The following CREB3L1 variants were observed in gnomAD, a reference collection of about 807,000 sequenced individuals.
The protein encoded by CREB3L1 is cAMP responsive element binding protein 3 like 1, also known as cyclic AMP-responsive element-binding protein 3-like protein 1.
A neutral mutation model predicts 54.5 loss-of-function variants in CREB3L1; 33 were observed. The ratio of observed to expected loss-of-function variants is 0.61; its 90% confidence interval spans 0.46 to 0.81. The LOEUF (loss-of-function observed/expected upper bound fraction) is 0.81. Among genes scored for constraint, CREB3L1 ranks in the 30% least tolerant of loss-of-function variants. The probability of loss-of-function intolerance (pLI) is 0.00; values close to 1 mark genes in which losing one functional copy is unlikely to be tolerated. For missense variants in CREB3L1, 656 were observed against 673.3 expected (o/e 0.97, Z 0.29); for synonymous variants, 284 against 286.4 (o/e 0.99, Z 0.08).
At position 46,321,132 on chromosome 11, in the gene CREB3L1, G is replaced by T. The variant is rs1939647341; in HGVS notation, c.*386G>T. The T allele has an allele frequency of 4.7e-6, 2 of 429,140 alleles. No individual in the cohort carries two copies. The highest frequency in any genetic ancestry group is 1.9e-5 in the African/African-American group (1 of 51,616). 26.6% of individuals were successfully genotyped at this position (429,140 alleles called of 1,614,324 possible). On this transcript the variant is annotated 3_prime_UTR_variant, in exon 12 of 12. Coordinates refer to ENST00000621158, the MANE Select transcript of CREB3L1 (RefSeq NM_052854.4). Reference sequence around the variant, plus strand: ...TGTACAGAGACCAAGAACAGAAATTGTTTGTAAATAATGAACCTTATTTTT... The same window carrying T: ...TGTACAGAGACCAAGAACAGAAATTTTTTGTAAATAATGAACCTTATTTTT...
chr11:46,302,037 G>A (rs867216477), intron 2 of CREB3L1, among the ~76,000 whole-genome samples: 1 of 151,410 alleles, frequency 6.6e-6, no homozygotes, highest in African/African-American at 2.4e-5. Flanking sequence ...GCATGGTGGC[G>A]GGTGCCTGTA....
In CREB3L1 at chr11:46,304,174, G is replaced by A. The variant is rs184739977; in HGVS notation, c.332-3642G>A. ...CCTGCCCCCAGAGAGTTGTTGGGAG[G>A]AGTAAAGAAGCTCATTTGCCTGGGC... is the stretch of plus-strand genomic sequence containing the variant. On this transcript the variant is annotated intron_variant, in intron 2 of 11. Transcript: ENST00000621158. 2.9e-3 allele frequency among the ~76,000 whole-genome samples: 437 copies of A among 152,116 alleles called. 1 individual carries two copies. The highest frequency in any genetic ancestry group is 4.2e-3 in the Non-Finnish European group (284 of 67,994).
rs140381668 is a variant in CREB3L1, at chr11:46,299,025, G to T, written c.103-910G>T. The stretch of plus-strand genomic sequence containing the variant: ...ATTTTTCAGACTTTTTTGTTTCTAA[G>T]AAATATATTTTACATCATTACCAAG... On this transcript the variant is annotated intron_variant, in intron 1 of 11. Coordinates refer to ENST00000621158, the MANE Select transcript of CREB3L1 (RefSeq NM_052854.4). Among the ~76,000 whole-genome samples, 840 of 152,158 alleles carry T rather than the reference G, an allele frequency of 5.5e-3. 5 individuals carry two copies. Among genetic ancestry groups the T allele is most frequent in the Non-Finnish European group, 9.6e-3 (652 of 68,006 alleles).
In CREB3L1 at chr11:46,307,930, C is replaced by A; in HGVS notation, c.446C>A (p.Ala149Asp). The A allele has an allele frequency of 6.4e-7, 1 of 1,561,866 alleles. No homozygotes were observed. Among genetic ancestry groups the A allele is most frequent in the South Asian group, 1.2e-5 (1 of 84,678 alleles). ...CTGGCTGCCCCCTCGGCCATGGCTG[C>A]CGCGGCCGCCATGGCCACCACCCCG... The part of the protein sequence containing the change: ...DPLAAPSAMA[A>D]AAAMATTPLL... The change falls in exon 3 of 12, where the codon GCC becomes GAC. Residue 149 changes from alanine (A) to aspartate (D), a missense_variant. Physicochemically the swap from Ala to Asp is moderately radical, Grantham distance 126. Transcript: ENST00000621158.
At chr11:46,315,103 C>T in intron 8 of CREB3L1, 1 of 217,434 alleles carries the variant, frequency 4.6e-6, no homozygotes, top group South Asian at 6.3e-5. Context: ...ATAACCTAGA[C>T]AACAGCCTTG....
Position 46,320,962 on chromosome 11 carries a change from G to A in CREB3L1, c.*216G>A, listed in dbSNP as rs1477237865. On this transcript the variant is annotated 3_prime_UTR_variant, in exon 12 of 12. Transcript: ENST00000621158. ...TTCTCCTTCCCACCAACATCCATCCGTCCTTCTCAGACAAACCACTCACTG... is the reference window on the plus strand; with the variant it reads ...TTCTCCTTCCCACCAACATCCATCCATCCTTCTCAGACAAACCACTCACTG... 1.5e-5 allele frequency: 10 copies of A among 684,670 alleles called. No individual in the cohort carries two copies. In the East Asian group the frequency reaches 1.9e-4, roughly 13 times the overall value. The allele number at this position is 684,670 out of a possible 1,614,324, so 42.4% of individuals were successfully genotyped here.
intron 2 of CREB3L1, among the ~76,000 whole-genome samples, chr11:46,305,698 G>GTGTGTATATA (rs1555222413): frequency 9.6e-6 from 1 of 104,592 alleles, no homozygotes; most frequent in South Asian, 3.0e-4. Flanking sequence ...ATATGTGTGT[G>GTGTGTATATA]TGTGTGTGTG....
intron 7 of CREB3L1, 49 bp downstream of exon 7, chr11:46,312,719 C>T: frequency 1.9e-6 from 3 of 1,578,250 alleles, no homozygotes; most frequent in Non-Finnish European, 2.6e-6. Context: ...CCTGACCTGC[C>T]CTCCCCTAGG....
chr11:46,312,254 A>G, intron 5 of CREB3L1, 71 bp from the exon 6 acceptor site: 1 of 1,341,216 alleles, frequency 7.5e-7, no homozygotes, highest in Non-Finnish European at 1.0e-6. Context: ...TCATATAGAT[A>G]GCACATGGCA....
At chr11:46,311,652 A>G (rs1939487440) in intron 5 of CREB3L1, among the ~76,000 whole-genome samples, 1 of 152,128 alleles carries the variant, frequency 6.6e-6, no homozygotes, top group East Asian at 1.9e-4. Context: ...GGTGCACACC[A>G]CCACCCAGCT....
chr11:46,289,630 T>A (rs190564242), intron 1 of CREB3L1, among the ~76,000 whole-genome samples: 1 of 151,916 alleles, frequency 6.6e-6, no homozygotes, highest in African/African-American at 2.4e-5. Context: ...AATGAGGAGA[T>A]AAAGGACAAA....
chr11:46,284,569 G>A (rs1482989139), intron 1 of CREB3L1, among the ~76,000 whole-genome samples: 5 of 151,558 alleles, frequency 3.3e-5, no homozygotes, highest in East Asian at 1.9e-4. Flanking sequence ...CAGGAGAATC[G>A]CTTGAACCCA....
At chr11:46,302,641 G>C (rs1281875108) in intron 2 of CREB3L1, among the ~76,000 whole-genome samples, 1 of 152,192 alleles carries the variant, frequency 6.6e-6, no homozygotes, top group Non-Finnish European at 1.5e-5. Flanking sequence ...ATGACTGACA[G>C]GTGAGGTTGG....
In CREB3L1 at chr11:46,312,399, C is replaced by T. The variant is rs751258804; in HGVS notation, c.828C>T (p.Pro276=). Residue 276 remains proline, a synonymous_variant, in exon 6 of 12, where the codon CCC becomes CCT. Coordinates refer to ENST00000621158, the MANE Select transcript of CREB3L1 (RefSeq NM_052854.4). ...EKRTLIAEGY[P]IPTKLPLTKA... Reference sequence around the variant, plus strand: ...GGACCCTGATTGCTGAGGGCTACCCCATCCCCACAAAACTCCCCCTCACCA... The same window carrying T: ...GGACCCTGATTGCTGAGGGCTACCCTATCCCCACAAAACTCCCCCTCACCA... 6.2e-7 allele frequency: 1 copy of T among 1,613,730 alleles called. No homozygotes were observed. The highest frequency in any genetic ancestry group is 1.7e-5 in the Admixed American group (1 of 59,986).
Position 46,320,407 on chromosome 11 carries a change from C to A in CREB3L1, c.1402C>A (p.Gln468Lys). Reference protein sequence around the residue: ...PAEQRPRDHLQHDHLDSTHET... With the variant: ...PAEQRPRDHLKHDHLDSTHET... ...AGAGCAGCGGCCCCGGGACCACCTG[C>A]AGCATGATCACCTGGACAGCACCCA... The change falls in exon 11 of 12, where the codon CAG becomes AAG. Residue 468 changes from glutamine to lysine, a missense_variant. By Grantham distance (53) the Gln-to-Lys change is moderately conservative. Coordinates refer to ENST00000621158, the MANE Select transcript of CREB3L1 (RefSeq NM_052854.4). 1 of 1,611,284 alleles carries A rather than the reference C, an allele frequency of 6.2e-7. No homozygotes were observed. Among genetic ancestry groups the A allele is most frequent in the Non-Finnish European group, 8.5e-7 (1 of 1,178,828 alleles).
intron 2 of CREB3L1, among the ~76,000 whole-genome samples, chr11:46,306,506 TAAAAA>T (rs61418557): frequency 7.9e-6 from 1 of 126,776 alleles, no homozygotes. Flanking sequence ...CCTGTCTCAA[TAAAAA>T]AAAAAAAAAA....
chr11:46,302,205 A>G (rs1939314336), intron 2 of CREB3L1, among the ~76,000 whole-genome samples: 1 of 146,444 alleles, frequency 6.8e-6, no homozygotes, highest in African/African-American at 2.5e-5. Context: ...TAATAATAAT[A>G]ATAATAATAA....
Position 46,296,450 on chromosome 11 carries a change from T to A in CREB3L1, c.103-3485T>A, listed in dbSNP as rs866962380. On this transcript the variant is annotated intron_variant, in intron 1 of 11. Coordinates refer to ENST00000621158, the MANE Select transcript of CREB3L1 (RefSeq NM_052854.4). ...CTGTGTTTCCCTCTCTGGACTGGAGTTTTCTCTACTAAGAAATAGGAGGGG... is the reference window on the plus strand; with the variant it reads ...CTGTGTTTCCCTCTCTGGACTGGAGATTTCTCTACTAAGAAATAGGAGGGG... 7.3e-5 allele frequency among the ~76,000 whole-genome samples: 11 copies of A among 151,688 alleles called. 1 individual carries two copies. The South Asian group carries it at 2.3e-3, about 32-fold the overall frequency.
intron 4 of CREB3L1, 53 bp downstream of exon 4, chr11:46,310,120 C>T (rs571807480): frequency 1.5e-6 from 2 of 1,318,132 alleles, no homozygotes; most frequent in South Asian, 2.5e-5. Context: ...AGGCAGATAG[C>T]ATCCCCACTT....
Sources: gnomAD v4.1 joint callset for allele counts (sites outside exome capture counted in the v4.1 genomes callset) on GRCh38, gnomAD v4.1.1 for gene constraint, MANE v1.5 for transcripts, NCBI Gene and HGNC (gene_info 2026-07-23, HGNC 2026-07-21) for gene names.